NTAQ1: variants seen among roughly 807,000 people sequenced by gnomAD.
NTAQ1 encodes the protein protein N-terminal glutamine amidohydrolase.
NTAQ1 carries 21 observed loss-of-function variants against 28.2 expected under a neutral mutation model. That is an observed-to-expected ratio of 0.74 (90% confidence interval 0.53 to 1.07). NTAQ1 has a LOEUF of 1.07. Among genes scored for constraint, NTAQ1 ranks in the 50% least tolerant of loss-of-function variants. NTAQ1 has a pLI of 0.00. For missense variants in NTAQ1, 264 were observed against 256.6 expected, an observed-to-expected ratio of 1.03 and a Z score of -0.20; for synonymous variants, 105 against 90.0, an observed-to-expected ratio of 1.17 and a Z score of -0.94.
In NTAQ1 at chr8:123,439,113, G is replaced by A. The variant is rs548461325; in HGVS notation, c.508+1779G>A. Among the ~76,000 whole-genome samples the A allele has an allele frequency of 2.6e-5, 4 of 152,260 alleles. No individual in the cohort carries two copies. In the East Asian group the frequency reaches 7.7e-4, roughly 29 times the overall value. ...TGATGACTACTAGTCATTGGATGCT[G>A]TTTTGTGCTGGGCTTTTGCCAGCCC... On this transcript the variant is annotated intron_variant, in intron 5 of 5. Transcript: ENST00000287387.
At chr8:123,448,737 C>T (rs1217707153), downstream of NTAQ1, among the ~76,000 whole-genome samples, 2 of 152,200 alleles carry the variant, frequency 1.3e-5, no homozygotes, top group Admixed American at 6.5e-5. Context: ...AAACCCTGAA[C>T]ACAGACGTCT....
At position 123,441,479 on chromosome 8, in the gene NTAQ1, G is replaced by A. The variant is rs916449142; in HGVS notation, c.*64G>A. ...GACATGAACAAGCTATCCTTTCATC[G>A]AGGACAGCAAACATTATGGTACAGT... is the stretch of plus-strand genomic sequence containing the variant. On this transcript the variant is annotated 3_prime_UTR_variant, in exon 6 of 6. Coordinates refer to ENST00000287387, the MANE Select transcript of NTAQ1 (RefSeq NM_018024.3). The A allele has an allele frequency of 1.6e-5, 20 of 1,285,188 alleles. No individual in the cohort carries two copies. The highest frequency in any genetic ancestry group is 2.1e-5 in the Non-Finnish European group (19 of 895,402). 79.6% of individuals were successfully genotyped at this position (1,285,188 alleles called of 1,614,324 possible). A position where few individuals can be genotyped will look rare whatever the true frequency, so the allele number is the denominator to read the frequency against.
downstream of NTAQ1, among the ~76,000 whole-genome samples, chr8:123,471,972 A>G (rs575457588): frequency 6.6e-6 from 1 of 152,368 alleles, no homozygotes; most frequent in South Asian, 2.1e-4. Context: ...AAAAGTAATA[A>G]TCATGCCTAG....
At chr8:123,454,229 G>T (rs1339752283) in intron 6 of NTAQ1, among the ~76,000 whole-genome samples, 1 of 152,230 alleles carries the variant, frequency 6.6e-6, no homozygotes, top group East Asian at 1.9e-4. Flanking sequence ...GAAATTGCTT[G>T]CTACGTGAAT....
chr8:123,438,197 A>G (rs902549621), intron 5 of NTAQ1: 4 of 701,862 alleles, frequency 5.7e-6, no homozygotes, highest in Non-Finnish European at 7.8e-6. Flanking sequence ...CCCTATTACT[A>G]TTGTTTGGCA....
rs549342681 is a variant in NTAQ1 at position 123,420,978 on chromosome 8, G to A, written c.83+4046G>A. ...ATTTGTGTATTTTTAGTAGAGACGGGGTTTCACCATGTTGGCCAAGATTAT... is the reference window on the plus strand; with the variant it reads ...ATTTGTGTATTTTTAGTAGAGACGGAGTTTCACCATGTTGGCCAAGATTAT... On this transcript the variant is annotated intron_variant, in intron 1 of 5. Transcript: ENST00000287387. Among the ~76,000 whole-genome samples the A allele has an allele frequency of 4.6e-5, 7 of 151,672 alleles. No homozygotes were observed. The South Asian group carries it at 1.5e-3, about 32-fold the overall frequency.
downstream of NTAQ1, among the ~76,000 whole-genome samples, chr8:123,449,859 T>TTCTCTCTCTCTCTCTCTCTCTCTC (rs112959997): frequency 7.3e-4 from 81 of 111,236 alleles, 1 homozygote; most frequent in African/African-American, 2.9e-3. Flanking sequence ...GCTCGCTGCT[T>TTCTCTCTCTCTCTCTCTCTCTCTC]TCTCTCTCTC....
chr8:123,435,728 G>C (rs554442125), intron 3 of NTAQ1, among the ~76,000 whole-genome samples: 1 of 151,886 alleles, frequency 6.6e-6, no homozygotes, highest in Non-Finnish European at 1.5e-5. Context: ...TTAGCTGGGC[G>C]TGGTGGCGGG....
chr8:123,465,129 A>G (rs1486109118), intron 6 of NTAQ1, among the ~76,000 whole-genome samples: 1 of 152,222 alleles, frequency 6.6e-6, no homozygotes, highest in Non-Finnish European at 1.5e-5. Flanking sequence ...TAAGACTCAG[A>G]AGAAATTGCA....
downstream of NTAQ1, among the ~76,000 whole-genome samples, chr8:123,443,144 C>T (rs373396224): frequency 1.3e-5 from 2 of 150,782 alleles, no homozygotes; most frequent in African/African-American, 2.4e-5. Flanking sequence ...CTCAGCCTCC[C>T]GAGTAGCTGG....
intron 1 of NTAQ1, 70 bp from the exon 2 acceptor site, chr8:123,427,854 G>A: frequency 1.6e-6 from 2 of 1,282,322 alleles, no homozygotes; most frequent in South Asian, 2.7e-5. Context: ...GTCATCATCA[G>A]TATTTTGTTC....
chr8:123,440,053 A>G (rs972339434), intron 5 of NTAQ1, among the ~76,000 whole-genome samples: 7 of 149,310 alleles, frequency 4.7e-5, no homozygotes, highest in African/African-American at 1.7e-4. Context: ...TTTTTTTTTA[A>G]TCAAGGTAGG....
chr8:123,431,053 T>C (rs7007382), intron 3 of NTAQ1, among the ~76,000 whole-genome samples: 55,120 of 152,008 alleles, frequency 0.36, 10,104 homozygotes, highest in East Asian at 0.56. Context: ...GAATGGAGGC[T>C]AGGGTTGGGC....
intron 1 of NTAQ1, among the ~76,000 whole-genome samples, chr8:123,425,195 G>A (rs1220600622): frequency 2.0e-5 from 3 of 151,952 alleles, no homozygotes; most frequent in Non-Finnish European, 4.4e-5. Flanking sequence ...GGTTTCAAGC[G>A]ATTCTCCTGC....
downstream of NTAQ1, among the ~76,000 whole-genome samples, chr8:123,471,120 G>A (rs1345092917): frequency 1.3e-5 from 2 of 151,324 alleles, no homozygotes; most frequent in Admixed American, 6.6e-5. Flanking sequence ...TGGTAGAGAC[G>A]GGGTCTTGTT....
chr8:123,426,391 C>T (rs908068056), intron 1 of NTAQ1, among the ~76,000 whole-genome samples: 6 of 152,150 alleles, frequency 3.9e-5, no homozygotes, highest in African/African-American at 1.4e-4. Context: ...TTGAGAAGGC[C>T]AGGCACAGTG....
At chr8:123,457,464 A>T (rs1815682030) in intron 6 of NTAQ1, among the ~76,000 whole-genome samples, 1 of 152,226 alleles carries the variant, frequency 6.6e-6, no homozygotes, top group African/African-American at 2.4e-5. Flanking sequence ...CTTTCAAATT[A>T]AACCTATATT....
chr8:123,435,740 G>A (rs1461495163), intron 3 of NTAQ1, among the ~76,000 whole-genome samples: 1 of 151,994 alleles, frequency 6.6e-6, no homozygotes, highest in African/African-American at 2.4e-5. Flanking sequence ...GGTGGCGGGT[G>A]TCTGTAGTCC....
At chr8:123,423,373 CT>C (rs1249921459) in intron 1 of NTAQ1, among the ~76,000 whole-genome samples, 1 of 149,108 alleles carries the variant, frequency 6.7e-6, no homozygotes, top group Non-Finnish European at 1.5e-5. Context: ...CCTTTCCCTC[CT>C]TTTCCTCCCT....
Sources: gnomAD v4.1 joint callset for allele counts (sites outside exome capture counted in the v4.1 genomes callset) on GRCh38, gnomAD v4.1.1 for gene constraint, MANE v1.5 for transcripts, NCBI Gene and HGNC (gene_info 2026-07-23, HGNC 2026-07-21) for gene names.